The following AMBRA1 variants were observed in gnomAD, a reference collection of about 807,000 sequenced individuals.
AMBRA1 encodes autophagy and beclin 1 regulator 1.
A neutral mutation model predicts 125.4 loss-of-function variants in AMBRA1; 47 were observed. The observed-to-expected ratio is 0.37, with a 90% CI of 0.30 to 0.48. The LOEUF (loss-of-function observed/expected upper bound fraction) is 0.48. Ranked by LOEUF, AMBRA1 falls within the 20% of genes least tolerant of loss-of-function variation. AMBRA1 has a pLI of 0.99. For synonymous variants in AMBRA1, 626 were observed against 655.5 expected (o/e 0.95, Z 0.69); for missense variants, 1,331 against 1,693.4 (o/e 0.79, Z 3.76).
intron 11 of AMBRA1, among the ~76,000 whole-genome samples, chr11:46,446,900 T>C (rs111698982): frequency 2.0e-5 from 3 of 152,372 alleles, no homozygotes; most frequent in Non-Finnish European, 2.9e-5. Context: ...CAATTTTCCA[T>C]ATCTGCCAAT....
chr11:46,516,534 C>T (rs993478792), intron 7 of AMBRA1, among the ~76,000 whole-genome samples: 2 of 149,836 alleles, frequency 1.3e-5, no homozygotes, highest in Non-Finnish European at 3.0e-5. Context: ...GGGTTCGAGC[C>T]ATTCTCCTGC....
chr11:46,428,506 G>A (rs1947268266), intron 14 of AMBRA1: 17 of 738,342 alleles, frequency 2.3e-5, no homozygotes, highest in Admixed American at 7.3e-5. Flanking sequence ...AGCAAACTAC[G>A]CCTGGTGAGA....
At chr11:46,592,108 G>C (rs1175349112) in intron 1 of AMBRA1, among the ~76,000 whole-genome samples, 3 of 151,700 alleles carry the variant, frequency 2.0e-5, no homozygotes, top group Admixed American at 2.0e-4. Flanking sequence ...ACCACGCCCG[G>C]CTAATTTTGA....
At chr11:46,417,278 C>T (rs1230394929) in intron 15 of AMBRA1, among the ~76,000 whole-genome samples, 1 of 152,092 alleles carries the variant, frequency 6.6e-6, no homozygotes, top group Non-Finnish European at 1.5e-5. Context: ...TCTCAATCTC[C>T]TGACCTCGTG....
At chr11:46,463,658 T>C (rs940924697) in intron 11 of AMBRA1, among the ~76,000 whole-genome samples, 7 of 152,216 alleles carry the variant, frequency 4.6e-5, no homozygotes, top group Admixed American at 2.0e-4. Flanking sequence ...ATCGTCAGAA[T>C]GGCACTTCCA....
intron 17 of AMBRA1, among the ~76,000 whole-genome samples, chr11:46,400,080 T>C (rs1945663845): frequency 6.6e-6 from 1 of 152,142 alleles, no homozygotes; most frequent in African/African-American, 2.4e-5. Context: ...TGGAGCTCTA[T>C]TGCTGTGGGA....
chr11:46,455,482 A>C (rs919825735), intron 11 of AMBRA1, among the ~76,000 whole-genome samples: 2 of 152,228 alleles, frequency 1.3e-5, no homozygotes, highest in African/African-American at 4.8e-5. Context: ...GTGCACACAA[A>C]GACATTCACA....
At position 46,401,946 on chromosome 11, in the gene AMBRA1, CA is replaced by C. The variant is rs145903315; in HGVS notation, c.3404-4004del. On this transcript the variant is annotated intron_variant, in intron 17 of 17. Coordinates refer to ENST00000683756, the MANE Select transcript of AMBRA1 (RefSeq NM_001387011.1). Reference sequence around the variant, plus strand: ...CTCTGGCCAGACCCTTATCATGCTGCAGACCTTCCTGCCCTGTCCCCCACAT... The same window carrying C: ...CTCTGGCCAGACCCTTATCATGCTGCGACCTTCCTGCCCTGTCCCCCACAT... Among the ~76,000 whole-genome samples the C allele has an allele frequency of 9.3e-3, 1,418 of 152,352 alleles. 48 individuals carry two copies. Among genetic ancestry groups the C allele is most frequent in the Admixed American group, 0.062 (954 of 15,304 alleles).
chr11:46,429,922 C>G (rs529489898), intron 14 of AMBRA1, among the ~76,000 whole-genome samples: 1 of 152,010 alleles, frequency 6.6e-6, no homozygotes, highest in African/African-American at 2.4e-5. Flanking sequence ...GGGAATCAGA[C>G]AGAAAATAAG....
intron 11 of AMBRA1, among the ~76,000 whole-genome samples, chr11:46,459,538 C>T (rs922024812): frequency 6.6e-6 from 1 of 151,936 alleles, no homozygotes; most frequent in Non-Finnish European, 1.5e-5. Flanking sequence ...TGGTGAAACC[C>T]CGTCTCTACT....
intron 17 of AMBRA1, among the ~76,000 whole-genome samples, chr11:46,405,014 T>A (rs1945941279): frequency 6.6e-6 from 1 of 152,212 alleles, no homozygotes; most frequent in African/African-American, 2.4e-5. Context: ...GTAACTTGCC[T>A]TCCCCACTCA....
intron 7 of AMBRA1, among the ~76,000 whole-genome samples, chr11:46,522,107 CAT>C (rs1335109669): frequency 6.6e-6 from 1 of 152,176 alleles, no homozygotes; most frequent in Non-Finnish European, 1.5e-5. Flanking sequence ...AGAATGTATA[CAT>C]AGTGTGCAAT....
intron 11 of AMBRA1, among the ~76,000 whole-genome samples, chr11:46,461,417 A>G (rs1949083798): frequency 6.6e-6 from 1 of 152,220 alleles, no homozygotes; most frequent in Non-Finnish European, 1.5e-5. Context: ...TATGTTTGCA[A>G]GTATTTTTAA....
chr11:46,470,591 A>AC (rs977846586), intron 11 of AMBRA1, among the ~76,000 whole-genome samples: 5 of 148,836 alleles, frequency 3.4e-5, no homozygotes, highest in Non-Finnish European at 7.5e-5. Flanking sequence ...TCCGTCTCAA[A>AC]AAAAAAAAAA....
intron 14 of AMBRA1, chr11:46,428,544 G>C (rs1349462811): frequency 2.0e-6 from 2 of 988,150 alleles, no homozygotes; most frequent in Non-Finnish European, 3.1e-6. Flanking sequence ...TCTAGGATCT[G>C]CAGCGATTAG....
chr11:46,450,895 T>C (rs574518304), intron 11 of AMBRA1, among the ~76,000 whole-genome samples: 1 of 152,362 alleles, frequency 6.6e-6, no homozygotes, highest in South Asian at 2.1e-4. Context: ...TGTGTCTACG[T>C]TGGTTCATCA....
At position 46,447,881 on chromosome 11, in the gene AMBRA1, C is replaced by T. The variant is rs187025739; in HGVS notation, c.2522-4283G>A. ...GCATCTACAGTTACAGCCTGGGTGACACAGCCAGACCATCTTGTAAATAAA... is the reference window on the plus strand; with the variant it reads ...GCATCTACAGTTACAGCCTGGGTGATACAGCCAGACCATCTTGTAAATAAA... On this transcript the variant is annotated intron_variant, in intron 11 of 17. Transcript: ENST00000683756. Among the ~76,000 whole-genome samples, 364 of 152,256 alleles carry T rather than the reference C, an allele frequency of 2.4e-3. 2 individuals are homozygous for T. Among genetic ancestry groups the T allele is most frequent in the African/African-American group, 8.3e-3 (346 of 41,542 alleles).
intron 11 of AMBRA1, among the ~76,000 whole-genome samples, chr11:46,488,609 T>C (rs1242710727): frequency 6.6e-6 from 1 of 152,058 alleles, no homozygotes; most frequent in African/African-American, 2.4e-5. Context: ...CAAGTAGATT[T>C]AACCGACATC....
In AMBRA1 at chr11:46,477,059, C is replaced by T. The variant is rs1029243887; in HGVS notation, c.2521+16549G>A. 8.7e-5 allele frequency among the ~76,000 whole-genome samples: 13 copies of T among 148,616 alleles called. No individual in the cohort carries two copies. In the East Asian group the frequency reaches 1.6e-3, roughly 18 times the overall value. ...CTGGGAGACAGAGGTTGCAGTGAGC[C>T]GAGATTGCGCCACTGCACTCCAGCC... On this transcript the variant is annotated intron_variant, in intron 11 of 17. Transcript: ENST00000683756.
Sources: gnomAD v4.1 joint callset for allele counts (sites outside exome capture counted in the v4.1 genomes callset) on GRCh38, gnomAD v4.1.1 for gene constraint, MANE v1.5 for transcripts, NCBI Gene and HGNC (gene_info 2026-07-23, HGNC 2026-07-21) for gene names.